Variants in CLSTN2 observed in about 807,000 individuals in gnomAD.
CLSTN2 encodes calsyntenin-2.
In CLSTN2, 48 loss-of-function variants were observed where a neutral mutation model predicts 101.2. The observed-to-expected ratio is 0.47, with a 90% CI of 0.38 to 0.60. The LOEUF (loss-of-function observed/expected upper bound fraction) is 0.60, where lower values mean the gene tolerates loss of function less well. CLSTN2 is among the 20% of genes least tolerant of loss of function. The pLI is 0.00. For synonymous variants in CLSTN2, 481 were observed against 463.6 expected (o/e 1.04, Z -0.48); for missense variants, 1,160 against 1,238.2 (o/e 0.94, Z 0.95).
At chr3:140,420,844 T>C (rs2088496848) in intron 4 of CLSTN2, among the ~76,000 whole-genome samples, 1 of 152,208 alleles carries the variant, frequency 6.6e-6, no homozygotes, top group Non-Finnish European at 1.5e-5. Flanking sequence ...CCATTACTTA[T>C]AAACACAAGC....
In CLSTN2 at chr3:140,497,100, C is replaced by CAAAAA. The variant is rs57659394; in HGVS notation, c.1344+30383_1344+30387dup. Among the ~76,000 whole-genome samples, 31 of 87,998 alleles carry CAAAAA rather than the reference C, an allele frequency of 3.5e-4. No individual in the cohort carries two copies. In the East Asian group the frequency reaches 5.9e-3, roughly 17 times the overall value. 57.7% of individuals were successfully genotyped at this position (87,998 alleles called of 152,430 possible). ...TGGGTGACACAGCGAGACTCCGTCT[C>CAAAAA]AAAAAAAAAAAAAAAAAAGCAGCAG... On this transcript the variant is annotated intron_variant, in intron 8 of 16. Coordinates refer to ENST00000458420, the MANE Select transcript of CLSTN2 (RefSeq NM_022131.3).
intron 7 of CLSTN2, among the ~76,000 whole-genome samples, chr3:140,464,725 T>C (rs1933645329): frequency 6.6e-6 from 1 of 152,166 alleles, no homozygotes; most frequent in Admixed American, 6.5e-5. Flanking sequence ...CTAAGAGTTA[T>C]CAACAGAAGC....
chr3:140,527,672 G>T (rs1379965763), intron 8 of CLSTN2, among the ~76,000 whole-genome samples: 1 of 152,166 alleles, frequency 6.6e-6, no homozygotes, highest in African/African-American at 2.4e-5. Flanking sequence ...CAACCTAGGT[G>T]CCCATCAACA....
Position 140,421,182 on chromosome 3 carries a change from T to C in CLSTN2, c.695T>C (p.Leu232Pro), listed in dbSNP as rs1559864847. Reference sequence around the variant, plus strand: ...GACAAACAACACCAGTATGAGATCCTGGTGACCGCCTACGACTGTGGACAG... The same window carrying C: ...GACAAACAACACCAGTATGAGATCCCGGTGACCGCCTACGACTGTGGACAG... ...SYDKQHQYEI[L>P]VTAYDCGQKP... is the part of the protein sequence containing the mutation. The change falls in exon 5 of 17, where the codon CTG (leucine) becomes CCG (proline). Residue 232 changes from leucine (L) to proline (P), a missense_variant. Transcript: ENST00000458420. The C allele has an allele frequency of 6.2e-7, 1 of 1,614,188 alleles. No homozygotes were observed.
chr3:140,404,676 G>A lies in CLSTN2; in HGVS notation c.547G>A (p.Ala183Thr). Reference sequence around the variant, plus strand: ...CTATGACAGCATTCTGCAGGTGGAGGCCATTGACGAGGACTGCTCCCCACA... The same window carrying A: ...CTATGACAGCATTCTGCAGGTGGAGACCATTGACGAGGACTGCTCCCCACA... ...KIYDSILQVE[A>T]IDEDCSPQYS... Residue 183 changes from alanine (A) to threonine (T), a missense_variant, in exon 4 of 17, where the codon GCC becomes ACC. Ala to Thr is a moderately conservative substitution (Grantham distance 58). Coordinates refer to ENST00000458420, the MANE Select transcript of CLSTN2 (RefSeq NM_022131.3). 6.2e-7 allele frequency: 1 copy of A among 1,614,200 alleles called. No homozygotes were observed. The highest frequency in any genetic ancestry group is 8.5e-7 in the Non-Finnish European group (1 of 1,180,018).
chr3:139,944,774 T>A (rs1935189858), intron 1 of CLSTN2, among the ~76,000 whole-genome samples: 1 of 152,224 alleles, frequency 6.6e-6, no homozygotes, highest in Non-Finnish European at 1.5e-5. Context: ...GCTTCCTTCC[T>A]TTGGTCATGG....
intron 1 of CLSTN2, among the ~76,000 whole-genome samples, chr3:140,045,901 G>A (rs996765334): frequency 1.3e-5 from 2 of 152,278 alleles, no homozygotes; most frequent in East Asian, 1.9e-4. Flanking sequence ...TATAATTTCT[G>A]TTCTTTTACA....
intron 8 of CLSTN2, among the ~76,000 whole-genome samples, chr3:140,495,981 T>C (rs1934457626): frequency 6.6e-6 from 1 of 152,254 alleles, no homozygotes; most frequent in African/African-American, 2.4e-5. Context: ...TTTAAAATAC[T>C]TTCTTCAAAT....
chr3:140,490,005 G>A (rs5028287), intron 8 of CLSTN2, among the ~76,000 whole-genome samples: 18,709 of 26,012 alleles, frequency 0.72, 5,729 homozygotes, highest in East Asian at 0.78. Flanking sequence ...AGAAAAAAAA[G>A]AAGTACATGT....
chr3:140,373,987 T>C (rs1467904391), intron 2 of CLSTN2, among the ~76,000 whole-genome samples: 1 of 152,220 alleles, frequency 6.6e-6, no homozygotes, highest in African/African-American at 2.4e-5. Flanking sequence ...AGGCTCCAGT[T>C]GCAGGCCCTT....
At chr3:140,480,684 C>T (rs918723554) in intron 8 of CLSTN2, among the ~76,000 whole-genome samples, 12 of 152,216 alleles carry the variant, frequency 7.9e-5, no homozygotes, top group Admixed American at 7.2e-4. Context: ...ATTTGCATTT[C>T]TCTGATGGCC....
intron 1 of CLSTN2, among the ~76,000 whole-genome samples, chr3:139,991,642 A>G (rs964075994): frequency 2.0e-5 from 3 of 152,266 alleles, no homozygotes; most frequent in Admixed American, 1.3e-4. Context: ...AGTATGCACC[A>G]TGCTCTGTTA....
chr3:140,024,914 A>C (rs946290897), intron 1 of CLSTN2, among the ~76,000 whole-genome samples: 1 of 152,250 alleles, frequency 6.6e-6, no homozygotes. Flanking sequence ...AAATGAATGT[A>C]TATAATGCCA....
chr3:140,298,810 TAAAC>T (rs2087027209), intron 2 of CLSTN2, among the ~76,000 whole-genome samples: 1 of 152,026 alleles, frequency 6.6e-6, no homozygotes, highest in Non-Finnish European at 1.5e-5. Flanking sequence ...GAAATGCAAA[TAAAC>T]TACAAAATTG....
At chr3:140,343,950 G>A (rs2107937858) in intron 2 of CLSTN2, among the ~76,000 whole-genome samples, 1 of 152,270 alleles carries the variant, frequency 6.6e-6, no homozygotes, top group African/African-American at 2.4e-5. Context: ...TAGGTGCCAG[G>A]CACGGATGAC....
chr3:140,530,183 TAAGTA>T (rs1418816280), intron 8 of CLSTN2, among the ~76,000 whole-genome samples: 2 of 152,212 alleles, frequency 1.3e-5, no homozygotes, highest in Non-Finnish European at 2.9e-5. Context: ...TATCTGGAAA[TAAGTA>T]TAGTATATAG....
chr3:140,319,280 T>G (rs1450834002), intron 2 of CLSTN2, among the ~76,000 whole-genome samples: 1 of 152,126 alleles, frequency 6.6e-6, no homozygotes, highest in Non-Finnish European at 1.5e-5. Flanking sequence ...GGGACCCAAG[T>G]CTCCCTGTCC....
At chr3:140,339,785 A>G (rs1006407987) in intron 2 of CLSTN2, among the ~76,000 whole-genome samples, 1 of 152,260 alleles carries the variant, frequency 6.6e-6, no homozygotes, top group Admixed American at 6.5e-5. Flanking sequence ...GAACACTGTT[A>G]TAGTGGCCGA....
At chr3:140,551,884 T>C (rs541621926) in intron 10 of CLSTN2, among the ~76,000 whole-genome samples, 1 of 151,112 alleles carries the variant, frequency 6.6e-6, no homozygotes, top group Admixed American at 6.6e-5. Flanking sequence ...GCAAACCTAA[T>C]AGACTCTCAA....
Sources: gnomAD v4.1 joint callset for allele counts (sites outside exome capture counted in the v4.1 genomes callset) on GRCh38, gnomAD v4.1.1 for gene constraint, MANE v1.5 for transcripts, NCBI Gene and HGNC (gene_info 2026-07-23, HGNC 2026-07-21) for gene names.